Variants in GPR141 observed in about 807,000 individuals in gnomAD.
GPR141 encodes the protein probable G protein-coupled receptor 141.
Under a neutral mutation model 6.8 loss-of-function variants are expected in GPR141, and 6 were observed. That is an observed-to-expected ratio of 0.88 (90% CI 0.48 to 1.74). GPR141 has a LOEUF of 1.74. GPR141 is among the 40% of genes most tolerant of loss of function. GPR141 has a pLI of 0.01. For missense variants in GPR141, 372 were observed against 372.9 expected, an observed-to-expected ratio of 1.00 and a Z score of 0.02; for synonymous variants, 140 against 142.3, an observed-to-expected ratio of 0.98 and a Z score of 0.11.
intron 2 of GPR141, among the ~76,000 whole-genome samples, chr7:37,730,991 A>G (rs1811903299): frequency 6.6e-6 from 1 of 152,214 alleles, no homozygotes; most frequent in Admixed American, 6.5e-5. Context: ...TAGACTAGGA[A>G]ATATTTAACG....
chr7:37,695,441 G>A (rs988352477), intron 2 of GPR141, among the ~76,000 whole-genome samples: 2 of 152,208 alleles, frequency 1.3e-5, no homozygotes, highest in African/African-American at 4.8e-5. Flanking sequence ...GAGGACTGTA[G>A]AGACCCACTG....
chr7:37,684,325 C>G (rs1315096972), intron 1 of GPR141, among the ~76,000 whole-genome samples: 5 of 152,140 alleles, frequency 3.3e-5, no homozygotes, highest in African/African-American at 1.2e-4. Context: ...GAGTTTGAAA[C>G]TATTCAGGCA....
chr7:37,743,027 T>G lies in GPR141; in HGVS notation c.*1716T>G, dbSNP rs1812645906. On this transcript the variant is annotated 3_prime_UTR_variant, in exon 3 of 3. Coordinates refer to ENST00000334425, the MANE Select transcript of GPR141 (RefSeq NM_001381946.1). ...GGCTTGTGGGTTTTTGCTTTTTGGG[T>G]TTTTTTTGCTCCTGCCCATACTTCC... Among the ~76,000 whole-genome samples, 1 of 151,640 alleles carries G rather than the reference T, an allele frequency of 6.6e-6. No homozygotes were observed.
rs893471966 is a variant in GPR141, at chr7:37,742,220, G to A, written c.*909G>A. On this transcript the variant is annotated 3_prime_UTR_variant, in exon 3 of 3. Coordinates refer to ENST00000334425, the MANE Select transcript of GPR141 (RefSeq NM_001381946.1). ...ACAGAAAGTTATACTGAAATCTTTA[G>A]AGCTCCCTTCCGCCGTTAAAATTAT... Among the ~76,000 whole-genome samples the A allele has an allele frequency of 5.3e-5, 8 of 151,896 alleles. No homozygotes were observed. The highest frequency in any genetic ancestry group is 4.6e-4 in the Admixed American group (7 of 15,260).
intron 2 of GPR141, among the ~76,000 whole-genome samples, chr7:37,711,386 G>A (rs755993298): frequency 1.8e-4 from 27 of 152,286 alleles, no homozygotes; most frequent in Non-Finnish European, 3.7e-4. Context: ...CCCTGCTAAA[G>A]TAGAGATGAA....
intron 2 of GPR141, among the ~76,000 whole-genome samples, chr7:37,728,269 C>CAGA (rs10695363): frequency 0.84 from 127,523 of 151,870 alleles, 53,541 homozygotes; most frequent in Admixed American, 0.88. Flanking sequence ...TCCTACCAAA[C>CAGA]AGGAGATTTA....
At position 37,723,839 on chromosome 7, in the gene GPR141, A is replaced by G. The variant is rs542929349; in HGVS notation, c.-14-16541A>G. On this transcript the variant is annotated intron_variant, in intron 2 of 2. Transcript: ENST00000334425. ...TCCCCCAGATTTAACAGTTTCTGAGAATAAAGCACAGTTCCTGGACAATGA... is the reference window on the plus strand; with the variant it reads ...TCCCCCAGATTTAACAGTTTCTGAGGATAAAGCACAGTTCCTGGACAATGA... Among the ~76,000 whole-genome samples the G allele has an allele frequency of 6.6e-5, 10 of 152,344 alleles. No homozygotes were observed. The South Asian group carries it at 2.1e-3, about 32-fold the overall frequency.
intron 2 of GPR141, among the ~76,000 whole-genome samples, chr7:37,698,358 A>G (rs971041995): frequency 6.6e-6 from 1 of 152,220 alleles, no homozygotes; most frequent in African/African-American, 2.4e-5. Flanking sequence ...TTTTTATAAC[A>G]TCTATAAATA....
intron 2 of GPR141, among the ~76,000 whole-genome samples, chr7:37,732,515 C>A (rs1201941912): frequency 6.6e-6 from 1 of 151,924 alleles, no homozygotes; most frequent in African/African-American, 2.4e-5. Context: ...TAAGTGTGGA[C>A]AGAGCACCAT....
intron 2 of GPR141, among the ~76,000 whole-genome samples, chr7:37,706,883 C>T (rs1810548809): frequency 6.6e-6 from 1 of 152,146 alleles, no homozygotes; most frequent in Non-Finnish European, 1.5e-5. Context: ...TGGGCATGGA[C>T]AAAGGAAAAT....
rs79723968 is a variant in GPR141 at position 37,701,792 on chromosome 7, G to A, written c.-15+16209G>A. On this transcript the variant is annotated intron_variant, in intron 2 of 2. Coordinates refer to ENST00000334425, the MANE Select transcript of GPR141 (RefSeq NM_001381946.1). ...TGCAGCTAATAATTCATATCGTAGA[G>A]TTGTCATGAGGATTAAATGGAGAAA... Among the ~76,000 whole-genome samples, 156 of 152,318 alleles carry A rather than the reference G, an allele frequency of 1.0e-3. 1 individual carries two copies. Among genetic ancestry groups the A allele is most frequent in the Non-Finnish European group, 1.7e-3 (117 of 68,020 alleles).
chr7:37,734,967 A>G (rs566841365), intron 2 of GPR141, among the ~76,000 whole-genome samples: 1 of 152,386 alleles, frequency 6.6e-6, no homozygotes, highest in South Asian at 2.1e-4. Flanking sequence ...GAAATTTATA[A>G]AAGTTAGGGA....
rs775399414 is a variant in GPR141 at position 37,740,268 on chromosome 7, G to A, written c.-14-112G>A. 37 of 703,224 alleles carry A rather than the reference G, an allele frequency of 5.3e-5. No individual in the cohort carries two copies. In the Middle Eastern group the frequency reaches 2.9e-3, roughly 55 times the overall value. The allele number at this position is 703,224 out of a possible 1,614,324, so 43.6% of individuals were successfully genotyped here. On this transcript the variant is annotated intron_variant, in intron 2 of 2. Coordinates refer to ENST00000334425, the MANE Select transcript of GPR141 (RefSeq NM_001381946.1). ...AATCTTCATTCTTAAAGCATGTAAA[G>A]TTTATATCATATAAGCACATAAATG...
rs560801742 is a variant in GPR141 at position 37,689,590 on chromosome 7, C to T, written c.-15+4007C>T. ...TTTTATTATTAATAATTGGTCTATT[C>T]AGAGTTTTTGTTTCTTCTTGAGTCA... On this transcript the variant is annotated intron_variant, in intron 2 of 2. Coordinates refer to ENST00000334425, the MANE Select transcript of GPR141 (RefSeq NM_001381946.1). Among the ~76,000 whole-genome samples the T allele has an allele frequency of 5.3e-5, 8 of 152,054 alleles. No homozygotes were observed. The South Asian group carries it at 1.7e-3, about 32-fold the overall frequency.
chr7:37,715,454 T>TA (rs1224220974), intron 2 of GPR141, among the ~76,000 whole-genome samples: 2 of 151,960 alleles, frequency 1.3e-5, no homozygotes, highest in Admixed American at 6.5e-5. Context: ...TTTCCTCCTT[T>TA]AAAAAAAACC....
At position 37,691,420 on chromosome 7, in the gene GPR141, G is replaced by T. The variant is rs56407302; in HGVS notation, c.-15+5837G>T. The stretch of plus-strand genomic sequence containing the variant: ...AGTCAGTCTATATCTTTTAAGTGGA[G>T]AATTTAATCCATTTACATTCAAGGT... On this transcript the variant is annotated intron_variant, in intron 2 of 2. Transcript: ENST00000334425. Among the ~76,000 whole-genome samples, 9 of 151,352 alleles carry T rather than the reference G, an allele frequency of 5.9e-5. No homozygotes were observed. In the East Asian group the frequency reaches 1.2e-3, roughly 20 times the overall value.
chr7:37,705,187 C>G (rs554849818), intron 2 of GPR141, among the ~76,000 whole-genome samples: 1 of 152,300 alleles, frequency 6.6e-6, no homozygotes, highest in Admixed American at 6.5e-5. Flanking sequence ...AAGCTCTGAA[C>G]AGAATGCAGG....
In GPR141 at chr7:37,740,930, A is replaced by C. The variant is rs1812519513; in HGVS notation, c.537A>C (p.Lys179Asn). ...FHKELAYTYV[K>N]IINYMIVIFV... ...AAGAGCTTGCTTACACATATGTGAA[A>C]ATCATCAACTATATGATAGTCATTT... The change falls in exon 3 of 3, where the codon AAA becomes AAC. Residue 179 changes from lysine (K) to asparagine (N), a missense_variant. By Grantham distance (94) the Lys-to-Asn change is moderately conservative. Coordinates refer to ENST00000334425, the MANE Select transcript of GPR141 (RefSeq NM_001381946.1). 1 of 1,614,110 alleles carries C rather than the reference A, an allele frequency of 6.2e-7. No individual in the cohort carries two copies. Among genetic ancestry groups the C allele is most frequent in the Non-Finnish European group, 8.5e-7 (1 of 1,179,994 alleles).
At chr7:37,698,038 G>A (rs1810103463) in intron 2 of GPR141, among the ~76,000 whole-genome samples, 1 of 152,212 alleles carries the variant, frequency 6.6e-6, no homozygotes, top group Non-Finnish European at 1.5e-5. Context: ...GGAGGCTTAT[G>A]CCACAGGGTG....
Sources: gnomAD v4.1 joint callset for allele counts (sites outside exome capture counted in the v4.1 genomes callset) on GRCh38, gnomAD v4.1.1 for gene constraint, MANE v1.5 for transcripts, NCBI Gene and HGNC (gene_info 2026-07-23, HGNC 2026-07-21) for gene names.